The following LAPTM5 variants were observed in gnomAD, a reference collection of about 807,000 sequenced individuals.
LAPTM5 encodes lysosomal protein transmembrane 5, also known as lysosomal-associated transmembrane protein 5.
A neutral mutation model predicts 30.1 loss-of-function variants in LAPTM5; 11 were observed. The ratio of observed to expected loss-of-function variants is 0.37; its 90% CI spans 0.23 to 0.60. The LOEUF (loss-of-function observed/expected upper bound fraction) is 0.60, where lower values mean the gene tolerates loss of function less well. Among genes scored for constraint, LAPTM5 ranks in the 20% least tolerant of loss-of-function variants. The pLI is 0.71. For missense variants in LAPTM5, 324 were observed against 332.5 expected (o/e 0.97, Z 0.20); for synonymous variants, 151 against 137.9 (o/e 1.10, Z -0.67).
In LAPTM5 at chr1:30,733,532, C is replaced by T. The variant is rs571174890; in HGVS notation, c.*296G>A. 1 of 1,441,646 alleles carries T rather than the reference C, an allele frequency of 6.9e-7. No homozygotes were observed. The highest frequency in any genetic ancestry group is 1.7e-5 in the African/African-American group (1 of 59,142). The allele number at this position is 1,441,646 out of a possible 1,614,324, so 89.3% of individuals were successfully genotyped here. A position where few individuals can be genotyped will look rare whatever the true frequency, so the allele number is the denominator to read the frequency against. ...GTCGATAGTTGCTTGACAAACTCACCAACTTTAGAATGGCCAATCGTCTAA... is the reference window on the plus strand; with the variant it reads ...GTCGATAGTTGCTTGACAAACTCACTAACTTTAGAATGGCCAATCGTCTAA... On this transcript the variant is annotated 3_prime_UTR_variant, in exon 8 of 8. Coordinates refer to ENST00000294507, the MANE Select transcript of LAPTM5 (RefSeq NM_006762.3).
At chr1:30,737,720 A>T (rs371054508) in intron 5 of LAPTM5, 21 bp from the exon 6 acceptor site, 11 of 1,515,306 alleles carry the variant, frequency 7.3e-6, no homozygotes, top group Middle Eastern at 1.7e-4. Flanking sequence ...TTTGGGGGCC[A>T]CATCAATGTC....
At chr1:30,751,751 C>T (rs150866853) in intron 1 of LAPTM5, among the ~76,000 whole-genome samples, 1 of 151,906 alleles carries the variant, frequency 6.6e-6, no homozygotes, top group Non-Finnish European at 1.5e-5. Flanking sequence ...AAAAAAGGGG[C>T]GGGGGGCCTT....
chr1:30,747,264 T>C (rs1394975482), intron 1 of LAPTM5, among the ~76,000 whole-genome samples: 1 of 152,086 alleles, frequency 6.6e-6, no homozygotes, highest in African/African-American at 2.4e-5. Context: ...GTGGTGCAGG[T>C]GTGTTTCAGT....
intron 5 of LAPTM5, among the ~76,000 whole-genome samples, 184 bp from the exon 6 acceptor site, chr1:30,737,883 T>C (rs1326597965): frequency 6.6e-6 from 1 of 152,182 alleles, no homozygotes; most frequent in Non-Finnish European, 1.5e-5. Context: ...CCCATCCCAC[T>C]GACGGGCAAA....
chr1:30,735,973 A>G (rs1330586930), intron 6 of LAPTM5, among the ~76,000 whole-genome samples: 1 of 152,114 alleles, frequency 6.6e-6, no homozygotes, highest in Non-Finnish European at 1.5e-5. Context: ...GCCCAGGGAA[A>G]ATCAAGTCGG....
intron 1 of LAPTM5, 106 bp downstream of exon 1, chr1:30,757,553 G>T: frequency 1.7e-6 from 2 of 1,157,554 alleles, no homozygotes; most frequent in South Asian, 2.6e-5. Flanking sequence ...GAGAGGTGGA[G>T]AGCAGGAGTT....
At chr1:30,742,971 G>T (rs1399294607) in intron 1 of LAPTM5, among the ~76,000 whole-genome samples, 1 of 152,106 alleles carries the variant, frequency 6.6e-6, no homozygotes, top group Non-Finnish European at 1.5e-5. Context: ...GAAGCTGAAG[G>T]CCCCTCCACT....
At position 30,733,826 on chromosome 1, in the gene LAPTM5, G is replaced by T; in HGVS notation, c.*2C>A. On this transcript the variant is annotated 3_prime_UTR_variant, in exon 8 of 8. Coordinates refer to ENST00000294507, the MANE Select transcript of LAPTM5 (RefSeq NM_006762.3). The stretch of plus-strand genomic sequence containing the variant: ...AGCACTGGGGCTGGGGCCTGGCGAG[G>T]GTCACACCTCTGAGTATGGGGGTGG... 2.5e-6 allele frequency: 4 copies of T among 1,603,114 alleles called. No individual in the cohort carries two copies. The highest frequency in any genetic ancestry group is 3.4e-6 in the Non-Finnish European group (4 of 1,177,094).
chr1:30,736,666 C>T (rs991415943), intron 6 of LAPTM5, among the ~76,000 whole-genome samples: 1 of 152,006 alleles, frequency 6.6e-6, no homozygotes, highest in Non-Finnish European at 1.5e-5. Context: ...GAACTCCTGG[C>T]CTCAAGCAAT....
Position 30,737,303 on chromosome 1 carries a change from C to G in LAPTM5, c.606+301G>C, listed in dbSNP as rs143224849. ...GACTTGCTGAAGACCAACCACGCAGCTAGTGACAGTGGGGCTTGGATTCAA... is the reference window on the plus strand; with the variant it reads ...GACTTGCTGAAGACCAACCACGCAGGTAGTGACAGTGGGGCTTGGATTCAA... On this transcript the variant is annotated intron_variant, in intron 6 of 7. Transcript: ENST00000294507. Among the ~76,000 whole-genome samples, 56 of 152,336 alleles carry G rather than the reference C, an allele frequency of 3.7e-4. 1 individual carries two copies. Among genetic ancestry groups the G allele is most frequent in the Middle Eastern group, 6.8e-3 (2 of 294 alleles).
chr1:30,754,406 T>C (rs765693131), intron 1 of LAPTM5, among the ~76,000 whole-genome samples: 6 of 152,070 alleles, frequency 3.9e-5, no homozygotes, highest in Non-Finnish European at 8.8e-5. Context: ...CATGGTGGCA[T>C]GCGCCTGTGA....
In LAPTM5 at chr1:30,733,904, G is replaced by T. The variant is rs932823511; in HGVS notation, c.713C>A (p.Ser238Tyr). Residue 238 changes from serine to tyrosine, a missense_variant, in exon 8 of 8, where the codon TCC becomes TAC. Transcript: ENST00000294507. ...SKMLQKVVLPSYEEALSLPSK... is the reference protein window; with the variant it reads ...SKMLQKVVLPYYEEALSLPSK... The stretch of plus-strand genomic sequence containing the variant: ...TGGCAAAGACAGGGCTTCCTCGTAG[G>T]ACGGCAGGACCACCTGGGAGAGACA... 1 of 1,611,580 alleles carries T rather than the reference G, an allele frequency of 6.2e-7. No individual in the cohort carries two copies. Among genetic ancestry groups the T allele is most frequent in the Non-Finnish European group, 8.5e-7 (1 of 1,179,470 alleles).
At chr1:30,740,893 C>T (rs554962852) in intron 3 of LAPTM5, among the ~76,000 whole-genome samples, 1 of 152,208 alleles carries the variant, frequency 6.6e-6, no homozygotes, top group Non-Finnish European at 1.5e-5. Context: ...ACTCCTCCGG[C>T]CCTGCAAGGG....
intron 6 of LAPTM5, among the ~76,000 whole-genome samples, chr1:30,735,668 G>A (rs1639875467): frequency 6.6e-6 from 1 of 152,210 alleles, no homozygotes; most frequent in African/African-American, 2.4e-5. Context: ...GTTTTCTGAA[G>A]CAGATTACAA....
intron 1 of LAPTM5, among the ~76,000 whole-genome samples, chr1:30,748,998 T>G (rs1451070957): frequency 6.6e-6 from 1 of 152,170 alleles, no homozygotes; most frequent in Non-Finnish European, 1.5e-5. Flanking sequence ...TTCAGAAAGA[T>G]CAACTGAGCA....
At chr1:30,734,579 AG>A (rs998612966) in intron 7 of LAPTM5, among the ~76,000 whole-genome samples, 1 of 152,214 alleles carries the variant, frequency 6.6e-6, no homozygotes, top group Admixed American at 6.5e-5. Flanking sequence ...AGTCAGATTG[AG>A]TTGGGTTTCT....
chr1:30,736,523 T>C (rs1639887000), intron 6 of LAPTM5, among the ~76,000 whole-genome samples: 1 of 152,000 alleles, frequency 6.6e-6, no homozygotes, highest in African/African-American at 2.4e-5. Context: ...AGCCTCAACC[T>C]CCCAGGCTCA....
At chr1:30,742,624 T>C in intron 1 of LAPTM5, 75 bp from the exon 2 acceptor site, 2 of 1,219,914 alleles carry the variant, frequency 1.6e-6, no homozygotes, top group East Asian at 2.4e-5. Flanking sequence ...ACCTTAGTGG[T>C]GTACAGCAGG....
In LAPTM5 at chr1:30,741,855, C is replaced by T. The variant is rs1639976061; in HGVS notation, c.182-139G>A. ...AGCCCAGGCCCTGCCCTCTTGCAGT[C>T]CTGAGTCTGGAGTGAGTACAAAGAC... On this transcript the variant is annotated intron_variant, in intron 2 of 7. Coordinates refer to ENST00000294507, the MANE Select transcript of LAPTM5 (RefSeq NM_006762.3). The T allele has an allele frequency of 2.1e-5, 12 of 571,282 alleles. No individual in the cohort carries two copies. The South Asian group carries it at 2.5e-4, about 12-fold the overall frequency. 35.4% of individuals were successfully genotyped at this position (571,282 alleles called of 1,614,324 possible). A position where few individuals can be genotyped will look rare whatever the true frequency, so the allele number is the denominator to read the frequency against.
Sources: gnomAD v4.1 joint callset for allele counts (sites outside exome capture counted in the v4.1 genomes callset) on GRCh38, gnomAD v4.1.1 for gene constraint, MANE v1.5 for transcripts, NCBI Gene and HGNC (gene_info 2026-07-23, HGNC 2026-07-21) for gene names.